SPECC1L: variants seen among roughly 807,000 people sequenced by gnomAD.
SPECC1L encodes the protein sperm antigen with calponin homology and coiled-coil domains 1 like.
Under a neutral mutation model 116.8 loss-of-function variants are expected in SPECC1L, and 40 were observed. The observed-to-expected ratio is 0.34, with a 90% CI of 0.27 to 0.45. The LOEUF (loss-of-function observed/expected upper bound fraction) is 0.45, where lower values mean the gene tolerates loss of function less well. Ranked by LOEUF, SPECC1L falls within the 20% of genes least tolerant of loss-of-function variation. The pLI, the probability that SPECC1L is intolerant of heterozygous loss-of-function variation, is 1.00. For synonymous variants in SPECC1L, 504 were observed against 500.6 expected, an observed-to-expected ratio of 1.01 and a Z score of -0.09; for missense variants, 1,110 against 1,373.6, an observed-to-expected ratio of 0.81 and a Z score of 3.03.
chr22:24,305,124 A>G (rs2049465806), intron 3 of SPECC1L, among the ~76,000 whole-genome samples: 1 of 152,244 alleles, frequency 6.6e-6, no homozygotes, highest in South Asian at 2.1e-4. Context: ...CTTAGGGTAA[A>G]AGGTAAGTTG....
At position 24,364,205 on chromosome 22, in the gene SPECC1L, A is replaced by G. The variant is rs62233966; in HGVS notation, c.2827+861A>G. On this transcript the variant is annotated intron_variant, in intron 12 of 16. Transcript: ENST00000314328. ...TCTGGTACCAGTGGCTAAAGTGCCTACTCCCACTGAACAGTTCTCAGAACA... is the reference window on the plus strand; with the variant it reads ...TCTGGTACCAGTGGCTAAAGTGCCTGCTCCCACTGAACAGTTCTCAGAACA... Among the ~76,000 whole-genome samples the G allele has an allele frequency of 7.4e-3, 1,124 of 152,136 alleles. 6 individuals carry two copies. Among genetic ancestry groups the G allele is most frequent in the South Asian group, 0.013 (61 of 4,816 alleles).
At chr22:24,298,481 G>T (rs886829128) in intron 2 of SPECC1L, among the ~76,000 whole-genome samples, 4 of 152,194 alleles carry the variant, frequency 2.6e-5, no homozygotes, top group African/African-American at 9.6e-5. Context: ...TAAAGGAATT[G>T]GCTCATGCAA....
At chr22:24,296,229 A>G (rs2049259141) in intron 2 of SPECC1L, among the ~76,000 whole-genome samples, 1 of 152,200 alleles carries the variant, frequency 6.6e-6, no homozygotes, top group South Asian at 2.1e-4. Flanking sequence ...TAGTTCCTTC[A>G]TCTAGACATA....
intron 1 of SPECC1L, among the ~76,000 whole-genome samples, chr22:24,271,520 G>C (rs1283614193): frequency 6.6e-6 from 1 of 152,244 alleles, no homozygotes; most frequent in Admixed American, 6.5e-5. Flanking sequence ...CTTTTTTCTT[G>C]AGACGTGGTT....
intron 2 of SPECC1L, among the ~76,000 whole-genome samples, chr22:24,296,644 G>A (rs1483827819): frequency 6.6e-6 from 1 of 152,258 alleles, no homozygotes; most frequent in East Asian, 1.9e-4. Flanking sequence ...GTGCTCCTTC[G>A]CTCCTCTGCT....
At chr22:24,394,645 TTA>T (rs1467523495) in intron 14 of SPECC1L, among the ~76,000 whole-genome samples, 2 of 152,222 alleles carry the variant, frequency 1.3e-5, no homozygotes, top group African/African-American at 4.8e-5. Context: ...CCCTGTCACT[TTA>T]CCACCAGCAG....
At chr22:24,350,043 C>G (rs1267627437) in intron 11 of SPECC1L, among the ~76,000 whole-genome samples, 1 of 152,188 alleles carries the variant, frequency 6.6e-6, no homozygotes, top group Non-Finnish European at 1.5e-5. Flanking sequence ...CTCACCCTGC[C>G]TCACCACATG....
chr22:24,355,089 G>A (rs1304528112), intron 11 of SPECC1L, among the ~76,000 whole-genome samples: 3 of 150,604 alleles, frequency 2.0e-5, no homozygotes, highest in African/African-American at 7.3e-5. Flanking sequence ...GACCATCCTG[G>A]CAAACATGGT....
At position 24,316,322 on chromosome 22, in the gene SPECC1L, G is replaced by A. The variant is rs533366870; in HGVS notation, c.307+2856G>A. On this transcript the variant is annotated intron_variant, in intron 4 of 16. Transcript: ENST00000314328. ...TATTGATCATTCTTGGGTGTTTCTCGCAGAGGGGGATTTGGCAGGGTCACA... is the reference window on the plus strand; with the variant it reads ...TATTGATCATTCTTGGGTGTTTCTCACAGAGGGGGATTTGGCAGGGTCACA... Among the ~76,000 whole-genome samples the A allele has an allele frequency of 4.8e-5, 7 of 146,924 alleles. No homozygotes were observed. In the South Asian group the frequency reaches 1.3e-3, roughly 27 times the overall value.
chr22:24,332,951 G>A (rs866667893), intron 8 of SPECC1L, among the ~76,000 whole-genome samples: 7 of 152,096 alleles, frequency 4.6e-5, no homozygotes, highest in South Asian at 4.1e-4. Context: ...CTAATCAGCC[G>A]GGCGCAGTGG....
At chr22:24,327,277 C>CAAAAAA (rs58725731) in intron 6 of SPECC1L, among the ~76,000 whole-genome samples, 13 of 41,952 alleles carry the variant, frequency 3.1e-4, no homozygotes, top group East Asian at 8.9e-4. Flanking sequence ...GACTCCGTCT[C>CAAAAAA]AAAAAAAAAA....
chr22:24,326,313 T>C (rs553678723), intron 6 of SPECC1L, among the ~76,000 whole-genome samples: 1 of 152,326 alleles, frequency 6.6e-6, no homozygotes, highest in Non-Finnish European at 1.5e-5. Context: ...TTTTCAACAT[T>C]AGAAATTTTT....
chr22:24,316,940 G>A (rs2040586164), intron 4 of SPECC1L, among the ~76,000 whole-genome samples: 1 of 115,940 alleles, frequency 8.6e-6, no homozygotes, highest in Non-Finnish European at 1.9e-5. Flanking sequence ...CAGACGGGGC[G>A]GCTGGCCGGG....
Position 24,414,786 on chromosome 22 carries a change from C to A in SPECC1L, c.*163C>A. ...GGGCTTCCGTATTGGAAGAACTCAGCCGTGTGGCCCACAGCTCCCACCAGG... is the reference window on the plus strand; with the variant it reads ...GGGCTTCCGTATTGGAAGAACTCAGACGTGTGGCCCACAGCTCCCACCAGG... On this transcript the variant is annotated 3_prime_UTR_variant, in exon 17 of 17. Coordinates refer to ENST00000314328, the MANE Select transcript of SPECC1L (RefSeq NM_015330.6). 1 of 657,284 alleles carries A rather than the reference C, an allele frequency of 1.5e-6. No homozygotes were observed. The highest frequency in any genetic ancestry group is 1.7e-5 in the South Asian group (1 of 59,070). The allele number at this position is 657,284 out of a possible 1,614,324, so 40.7% of individuals were successfully genotyped here.
intron 16 of SPECC1L, among the ~76,000 whole-genome samples, chr22:24,413,184 A>G (rs1293402162): frequency 1.3e-5 from 2 of 152,172 alleles, no homozygotes; most frequent in African/African-American, 4.8e-5. Flanking sequence ...AGGCTCCTGC[A>G]CTTCCTCGTG....
chr22:24,371,861 A>G (rs1183120567), intron 14 of SPECC1L, among the ~76,000 whole-genome samples: 1 of 152,224 alleles, frequency 6.6e-6, no homozygotes, highest in East Asian at 1.9e-4. Flanking sequence ...AGCTGGGATT[A>G]CAAACGTGTG....
intron 14 of SPECC1L, among the ~76,000 whole-genome samples, chr22:24,375,608 T>A (rs1418740627): frequency 6.6e-6 from 1 of 152,214 alleles, no homozygotes; most frequent in Non-Finnish European, 1.5e-5. Context: ...TTTATGATTT[T>A]AAAAACTAGG....
In SPECC1L at chr22:24,332,064, AT is replaced by A. The variant is rs34833275; in HGVS notation, c.2396+1640del. ...CTGCTTTCTTTTTTCATGGAATGCC[AT>A]TTTTTTACTTGAGAATGACAGACAA... On this transcript the variant is annotated intron_variant, in intron 8 of 16. Coordinates refer to ENST00000314328, the MANE Select transcript of SPECC1L (RefSeq NM_015330.6). Among the ~76,000 whole-genome samples the A allele has an allele frequency of 8.5e-5, 13 of 152,250 alleles. No individual in the cohort carries two copies. The East Asian group carries it at 2.3e-3, about 27-fold the overall frequency.
intron 3 of SPECC1L, chr22:24,304,484 T>A (rs952420039): frequency 6.6e-6 from 1 of 152,258 alleles, no homozygotes; most frequent in African/African-American, 2.4e-5. Context: ...CCCACTTCTG[T>A]CAGGAGCTGT....
Sources: gnomAD v4.1 joint callset for allele counts (sites outside exome capture counted in the v4.1 genomes callset) on GRCh38, gnomAD v4.1.1 for gene constraint, MANE v1.5 for transcripts, NCBI Gene and HGNC (gene_info 2026-07-23, HGNC 2026-07-21) for gene names.